The following SPAG16 variants were observed in gnomAD, a reference collection of about 807,000 sequenced individuals.
SPAG16 encodes sperm associated antigen 16, also known as sperm-associated antigen 16 protein.
SPAG16 carries 86 observed loss-of-function variants against 80.4 expected under a neutral mutation model. The ratio of observed to expected loss-of-function variants is 1.07; its 90% CI spans 0.90 to 1.28. SPAG16 has a LOEUF of 1.28. SPAG16 is among the 50% of genes most tolerant of loss of function. SPAG16 has a pLI of 0.00. For synonymous variants in SPAG16, 294 were observed against 265.9 expected, an observed-to-expected ratio of 1.11 and a Z score of -1.03; for missense variants, 870 against 765.3, an observed-to-expected ratio of 1.14 and a Z score of -1.61.
intron 15 of SPAG16, among the ~76,000 whole-genome samples, chr2:214,365,916 A>G (rs538284614): frequency 2.0e-5 from 3 of 152,188 alleles, no homozygotes; most frequent in African/African-American, 7.2e-5. Context: ...AAGGAATTCT[A>G]TAAATGCATA....
At chr2:214,408,408 A>T (rs962590166) in intron 15 of SPAG16, among the ~76,000 whole-genome samples, 4 of 152,158 alleles carry the variant, frequency 2.6e-5, no homozygotes, top group African/African-American at 7.2e-5. Context: ...GACTTAGTAG[A>T]AAATGGTTTA....
At chr2:214,251,323 A>G (rs1445398955) in intron 15 of SPAG16, among the ~76,000 whole-genome samples, 1 of 152,024 alleles carries the variant, frequency 6.6e-6, no homozygotes, top group African/African-American at 2.4e-5. Flanking sequence ...TATGAGGTCA[A>G]TTTCAAGAAT....
chr2:213,437,576 A>G (rs372283358), intron 9 of SPAG16, among the ~76,000 whole-genome samples: 2 of 152,164 alleles, frequency 1.3e-5, no homozygotes, highest in Non-Finnish European at 2.9e-5. Flanking sequence ...GGTGACTTCA[A>G]TGCCCTCACA....
chr2:214,390,487 C>T (rs1701013794), intron 15 of SPAG16, among the ~76,000 whole-genome samples: 1 of 152,144 alleles, frequency 6.6e-6, no homozygotes, highest in South Asian at 2.1e-4. Flanking sequence ...ACTCAGCTCC[C>T]ACTTTATCTC....
chr2:213,316,218 A>G (rs2063393854), intron 4 of SPAG16, among the ~76,000 whole-genome samples: 1 of 152,002 alleles, frequency 6.6e-6, no homozygotes, highest in South Asian at 2.1e-4. Flanking sequence ...TAGTAAATAA[A>G]TGGCTATCTG....
chr2:213,789,137 A>G (rs940229812), intron 10 of SPAG16, among the ~76,000 whole-genome samples: 2 of 151,956 alleles, frequency 1.3e-5, no homozygotes, highest in African/African-American at 4.8e-5. Context: ...AAATGCATGT[A>G]TGGAATTGAA....
At chr2:214,121,687 A>G (rs558702594) in intron 14 of SPAG16, among the ~76,000 whole-genome samples, 1 of 151,960 alleles carries the variant, frequency 6.6e-6, no homozygotes, top group South Asian at 2.1e-4. Flanking sequence ...TAAACTCCAA[A>G]ATGTTCCAAA....
intron 13 of SPAG16, among the ~76,000 whole-genome samples, chr2:214,015,439 A>G (rs560419616): frequency 6.6e-6 from 1 of 152,202 alleles, no homozygotes; most frequent in Non-Finnish European, 1.5e-5. Flanking sequence ...TCTCTACTGA[A>G]AATACAAAAT....
chr2:213,621,200 A>G (rs985420587), intron 10 of SPAG16, among the ~76,000 whole-genome samples: 3 of 152,218 alleles, frequency 2.0e-5, no homozygotes, highest in African/African-American at 7.2e-5. Context: ...TTCAAAAATC[A>G]AATTAATGAA....
intron 10 of SPAG16, among the ~76,000 whole-genome samples, chr2:213,532,704 G>A (rs372087128): frequency 2.4e-4 from 36 of 150,702 alleles, no homozygotes; most frequent in Admixed American, 4.6e-4. Context: ...CTCAGGATCC[G>A]CCCGCCTCGG....
At chr2:213,531,987 G>A (rs1011433043) in intron 10 of SPAG16, among the ~76,000 whole-genome samples, 5 of 152,086 alleles carry the variant, frequency 3.3e-5, no homozygotes, top group African/African-American at 1.2e-4. Context: ...AAAAAACACT[G>A]AGCAATCCCA....
chr2:213,674,357 A>T lies in SPAG16; in HGVS notation c.1070+184267A>T, dbSNP rs1574750307. 2.6e-5 allele frequency among the ~76,000 whole-genome samples: 4 copies of T among 151,428 alleles called. No homozygotes were observed. In the East Asian group the frequency reaches 7.7e-4, roughly 29 times the overall value. ...TAATCTAAAATTGTCCAGGTCTCACAAATCTTGCTGCTCTTTTTTTTTTTC... is the reference window on the plus strand; with the variant it reads ...TAATCTAAAATTGTCCAGGTCTCACTAATCTTGCTGCTCTTTTTTTTTTTC... On this transcript the variant is annotated intron_variant, in intron 10 of 15. Transcript: ENST00000331683.
At chr2:213,877,807 C>T (rs923879706) in intron 11 of SPAG16, among the ~76,000 whole-genome samples, 2 of 152,004 alleles carry the variant, frequency 1.3e-5, no homozygotes, top group African/African-American at 4.8e-5. Context: ...ACACAAACTG[C>T]CTTATTTTCC....
At chr2:213,312,286 G>T (rs1385062325) in intron 4 of SPAG16, among the ~76,000 whole-genome samples, 2 of 151,604 alleles carry the variant, frequency 1.3e-5, no homozygotes, top group Non-Finnish European at 3.0e-5. Flanking sequence ...TTAGTCGATG[G>T]TTCAATTCTA....
chr2:213,300,961 T>G (rs1356900565), intron 3 of SPAG16, among the ~76,000 whole-genome samples: 2 of 152,140 alleles, frequency 1.3e-5, no homozygotes, highest in Non-Finnish European at 2.9e-5. Flanking sequence ...AAATATAGTC[T>G]AGGATTAATA....
intron 10 of SPAG16, among the ~76,000 whole-genome samples, chr2:213,539,738 C>T (rs888383504): frequency 5.9e-5 from 9 of 151,968 alleles, no homozygotes; most frequent in East Asian, 3.9e-4. Context: ...TTGCTAAAAG[C>T]GTGGTTAAAC....
chr2:213,893,437 G>A (rs2076863873), intron 11 of SPAG16, among the ~76,000 whole-genome samples: 1 of 152,146 alleles, frequency 6.6e-6, no homozygotes. Flanking sequence ...TGCCGTAATT[G>A]TGGTGTGCAA....
intron 10 of SPAG16, among the ~76,000 whole-genome samples, chr2:213,596,183 G>C (rs907376729): frequency 1.3e-5 from 2 of 152,060 alleles, no homozygotes; most frequent in Admixed American, 1.3e-4. Context: ...TCTCTATGGG[G>C]AATAATAAAT....
At chr2:214,059,275 T>TAA (rs1553706265) in intron 13 of SPAG16, among the ~76,000 whole-genome samples, 3 of 146,592 alleles carry the variant, frequency 2.0e-5, no homozygotes, top group Non-Finnish European at 3.0e-5. Flanking sequence ...TATATATATA[T>TAA]AATCAAGAAT....
Sources: allele counts gnomAD v4.1 joint callset (sites outside exome capture counted in the v4.1 genomes callset), GRCh38; gene constraint gnomAD v4.1.1; transcripts MANE v1.5; gene names NCBI Gene and HGNC (gene_info 2026-07-23, HGNC 2026-07-21).